The following RPS6KB1 variants were observed in gnomAD, a reference collection of about 807,000 sequenced individuals.
The protein encoded by RPS6KB1 is ribosomal protein S6 kinase B1.
A neutral mutation model predicts 70.2 loss-of-function variants in RPS6KB1; 12 were observed. That is an observed-to-expected ratio of 0.17 (90% CI 0.11 to 0.28). The LOEUF (loss-of-function observed/expected upper bound fraction) is 0.28. RPS6KB1 is among the 10% of genes least tolerant of loss of function. The pLI, the probability that RPS6KB1 is intolerant of heterozygous loss-of-function variation, is 1.00. For synonymous variants in RPS6KB1, 175 were observed against 211.2 expected (o/e 0.83, Z 1.49); for missense variants, 270 against 646.6 (o/e 0.42, Z 6.32).
At chr17:59,908,920 A>ATTTT (rs1405952501) in intron 1 of RPS6KB1, among the ~76,000 whole-genome samples, 2 of 101,700 alleles carry the variant, frequency 2.0e-5, no homozygotes, top group Admixed American at 1.1e-4. Flanking sequence ...GCCCGGCCAA[A>ATTTT]TTTTTTTTTT....
At chr17:59,911,159 C>T (rs550980585) in intron 2 of RPS6KB1, among the ~76,000 whole-genome samples, 2 of 152,152 alleles carry the variant, frequency 1.3e-5, no homozygotes, top group Admixed American at 6.5e-5. Context: ...AGCGAGACTC[C>T]GTCTCAACAG....
At chr17:59,920,990 G>A (rs1054526440) in intron 4 of RPS6KB1, among the ~76,000 whole-genome samples, 2 of 152,210 alleles carry the variant, frequency 1.3e-5, no homozygotes, top group Non-Finnish European at 2.9e-5. Context: ...GAGCCACTGC[G>A]CCCAGCCTCT....
At position 59,946,712 on chromosome 17, in the gene RPS6KB1, C is replaced by T. The variant is rs779532384; in HGVS notation, c.1502C>T (p.Pro501Leu). 8.7e-6 allele frequency: 14 copies of T among 1,613,968 alleles called. No individual in the cohort carries two copies. Among genetic ancestry groups the T allele is most frequent in the South Asian group, 2.2e-5 (2 of 91,076 alleles). The change falls in exon 15 of 15, where the codon CCG (proline) becomes CTG (leucine). Residue 501 changes from proline (P) to leucine (L), a missense_variant. By Grantham distance (98) the Pro-to-Leu change is moderately conservative. Around this residue, in one of 4 missense-constraint regions of RPS6KB1, gnomAD observed 133 missense variants for 314.7 expected, o/e 0.42. Coordinates refer to ENST00000225577, the MANE Select transcript of RPS6KB1 (RefSeq NM_003161.4). This position sits in a 1 kb window ranked among gnomAD's most constrained non-coding sequence, Gnocchi z 4.2. ...EASAPLPIRQPNSGPYKKQAF... is the reference protein window; with the variant it reads ...EASAPLPIRQLNSGPYKKQAF... ...TCGGCACCACTTCCAATACGACAGC[C>T]GAACTCTGGGCCATACAAAAAACAA...
At position 59,946,428 on chromosome 17, in the gene RPS6KB1, C is replaced by T. The variant is rs939681010; in HGVS notation, c.1341-123C>T. The stretch of plus-strand genomic sequence containing the variant: ...CAATTTTTGCCTTTGTGCTAATCCA[C>T]GTGAAAATAAAATTAAATGAAAATA... On this transcript the variant is annotated intron_variant, in intron 14 of 14. Coordinates refer to ENST00000225577, the MANE Select transcript of RPS6KB1 (RefSeq NM_003161.4). The surrounding 1 kb of genome is among the most constrained non-coding windows in gnomAD (Gnocchi z 4.2). 16 of 820,336 alleles carry T rather than the reference C, an allele frequency of 2.0e-5. No individual in the cohort carries two copies. Among genetic ancestry groups the T allele is most frequent in the African/African-American group, 6.9e-5 (4 of 58,150 alleles). 50.8% of individuals were successfully genotyped at this position (820,336 alleles called of 1,614,324 possible).
At chr17:59,940,791 A>G (rs2044532759) in intron 12 of RPS6KB1, 45 bp from the exon 13 acceptor site, 2 of 1,217,884 alleles carry the variant, frequency 1.6e-6, no homozygotes, top group Non-Finnish European at 2.4e-6. Context: ...GATTGATGTA[A>G]CATGGACTAT....
At chr17:59,911,538 GTTTT>G (rs1184826889) in intron 2 of RPS6KB1, among the ~76,000 whole-genome samples, 9 of 74,716 alleles carry the variant, frequency 1.2e-4, no homozygotes, top group African/African-American at 1.8e-4. Context: ...TTTTTGTTGG[GTTTT>G]TTTTTTTTTT....
In RPS6KB1 at chr17:59,946,795, A is replaced by G. The variant is rs1279874069; in HGVS notation, c.*7A>G. On this transcript the variant is annotated 3_prime_UTR_variant, in exon 15 of 15. Coordinates refer to ENST00000225577, the MANE Select transcript of RPS6KB1 (RefSeq NM_003161.4). The surrounding 1 kb of genome is among the most constrained non-coding windows in gnomAD (Gnocchi z 4.2). Reference sequence around the variant, plus strand: ...CCTGCGTATGAATCTATGACAGAGCAATGCTTTTAATGAATTTAAGGCAAA... The same window carrying G: ...CCTGCGTATGAATCTATGACAGAGCGATGCTTTTAATGAATTTAAGGCAAA... 4 of 1,612,590 alleles carry G rather than the reference A, an allele frequency of 2.5e-6. No homozygotes were observed. The highest frequency in any genetic ancestry group is 3.4e-6 in the Non-Finnish European group (4 of 1,178,620).
rs2044975801 is a variant in RPS6KB1, at chr17:59,947,176, A to G, written c.*388A>G. ...CATTAGGCAAAGTACAAAATTGCCT[A>G]TAATACTTGCAACTAAGGACAAATT... On this transcript the variant is annotated 3_prime_UTR_variant, in exon 15 of 15. Coordinates refer to ENST00000225577, the MANE Select transcript of RPS6KB1 (RefSeq NM_003161.4). The G allele has an allele frequency of 2.9e-6, 3 of 1,046,554 alleles. No individual in the cohort carries two copies. Among genetic ancestry groups the G allele is most frequent in the East Asian group, 7.6e-5 (1 of 13,090 alleles). The allele number at this position is 1,046,554 out of a possible 1,614,324, so 64.8% of individuals were successfully genotyped here.
At chr17:59,898,794 A>G (rs910172170) in intron 1 of RPS6KB1, among the ~76,000 whole-genome samples, 8 of 152,092 alleles carry the variant, frequency 5.3e-5, no homozygotes, top group Admixed American at 5.2e-4. Context: ...GAGTTTAGGC[A>G]AAGTTCTACC....
At chr17:59,912,294 A>C (rs2144789344) in intron 2 of RPS6KB1, 1 of 226,678 alleles carries the variant, frequency 4.4e-6, no homozygotes, top group African/African-American at 2.3e-5. Flanking sequence ...CTGATCCAGA[A>C]ATACGGCCTC....
At chr17:59,932,913 G>A (rs1367810183) in intron 7 of RPS6KB1, among the ~76,000 whole-genome samples, 1 of 152,120 alleles carries the variant, frequency 6.6e-6, no homozygotes, top group Admixed American at 6.6e-5. Flanking sequence ...CAGAGAGACT[G>A]ATAATCTATA....
chr17:59,938,189 G>C (rs1481256881), intron 12 of RPS6KB1, among the ~76,000 whole-genome samples: 2 of 143,330 alleles, frequency 1.4e-5, no homozygotes, highest in Admixed American at 6.9e-5. Flanking sequence ...TTTTTTGGGG[G>C]GGGGATAGGG....
intron 2 of RPS6KB1, 47 bp from the exon 3 acceptor site, chr17:59,912,637 A>C (rs1015010809): frequency 1.3e-6 from 2 of 1,593,560 alleles, no homozygotes; most frequent in Non-Finnish European, 8.6e-7. Flanking sequence ...TGCTGAAAGT[A>C]ATTTAACTTT....
At chr17:59,912,014 A>G (rs1351996129) in intron 2 of RPS6KB1, among the ~76,000 whole-genome samples, 2 of 152,208 alleles carry the variant, frequency 1.3e-5, no homozygotes, top group African/African-American at 2.4e-5. Flanking sequence ...GACATTGCCA[A>G]ATGAGGTTGG....
chr17:59,929,607 G>A (rs1364047314), intron 5 of RPS6KB1, among the ~76,000 whole-genome samples: 2 of 152,124 alleles, frequency 1.3e-5, no homozygotes, highest in African/African-American at 2.4e-5. Context: ...ATCATTCAAT[G>A]TGATATAACC....
In RPS6KB1 at chr17:59,947,841, C is replaced by CT; in HGVS notation, c.*1054dup. ...GGATATCCAGGGGAAGAGGGTGTTG[C>CT]TGTGGCCCACTCTCTGTCTAATCTC... On this transcript the variant is annotated 3_prime_UTR_variant, in exon 15 of 15. Transcript: ENST00000225577. 1 of 445,114 alleles carries CT rather than the reference C, an allele frequency of 2.2e-6. No individual in the cohort carries two copies. The highest frequency in any genetic ancestry group is 4.1e-6 in the Non-Finnish European group (1 of 244,912). The allele number at this position is 445,114 out of a possible 1,614,324, so 27.6% of individuals were successfully genotyped here.
intron 1 of RPS6KB1, among the ~76,000 whole-genome samples, chr17:59,899,204 CAGA>C (rs2041755828): frequency 2.5e-5 from 3 of 118,340 alleles, no homozygotes; most frequent in South Asian, 5.4e-4. Flanking sequence ...GACTTCGTCT[CAGA>C]AAAAAAAAAA....
intron 4 of RPS6KB1, among the ~76,000 whole-genome samples, chr17:59,919,794 C>A (rs548025358): frequency 9.9e-5 from 15 of 152,064 alleles, no homozygotes; most frequent in Non-Finnish European, 2.1e-4. Flanking sequence ...TTTTAGCACT[C>A]CACCTTCTGC....
In RPS6KB1 at chr17:59,949,707, AT is replaced by A. The variant is rs1194354520; in HGVS notation, c.*2924del. 6.6e-6 allele frequency: 1 copy of A among 152,256 alleles called. No homozygotes were observed. The highest frequency in any genetic ancestry group is 2.4e-5 in the African/African-American group (1 of 41,366). The allele number at this position is 152,256 out of a possible 1,614,324, so 9.4% of individuals were successfully genotyped here. ...AACTAATTTGAATCCTTCAAGAAGG[AT>A]TTTTCCATACTATTTTTTAAGATAG... On this transcript the variant is annotated 3_prime_UTR_variant, in exon 15 of 15. Coordinates refer to ENST00000225577, the MANE Select transcript of RPS6KB1 (RefSeq NM_003161.4).
Sources: allele counts gnomAD v4.1 joint callset (sites outside exome capture counted in the v4.1 genomes callset), GRCh38; gene constraint gnomAD v4.1.1; regional missense constraint gnomAD v4.1.1; non-coding constraint Gnocchi (gnomAD v3.1); transcripts MANE v1.5; gene names NCBI Gene and HGNC (gene_info 2026-07-23, HGNC 2026-07-21).